PSMA4: variants seen among roughly 807,000 people sequenced by gnomAD.
PSMA4 encodes proteasome subunit alpha type-4.
In PSMA4, 8 loss-of-function variants were observed where a neutral mutation model predicts 37.2. That is an observed-to-expected ratio of 0.22 (90% CI 0.13 to 0.39). The LOEUF is 0.39. Ranked by LOEUF, PSMA4 falls within the 10% of genes least tolerant of loss-of-function variation. The probability of loss-of-function intolerance (pLI) is 1.00; values close to 1 mark genes in which losing one functional copy is unlikely to be tolerated. For missense variants in PSMA4, 169 were observed against 305.1 expected, an observed-to-expected ratio of 0.55 and a Z score of 3.32; for synonymous variants, 93 against 98.8, an observed-to-expected ratio of 0.94 and a Z score of 0.35.
chr15:78,546,915 G>A (rs1395013713), intron 8 of PSMA4, among the ~76,000 whole-genome samples: 4 of 151,996 alleles, frequency 2.6e-5, no homozygotes, highest in African/African-American at 4.8e-5. Context: ...ACAGGCTCGC[G>A]CCACCATGCC....
Position 78,544,180 on chromosome 15 carries a change from T to C in PSMA4, c.210-10T>C. On this transcript the variant is annotated splice_polypyrimidine_tract_variant and intron_variant, in intron 4 of 8. Transcript: ENST00000044462. ...CCCTGCTTACAGATCAATGTCTTTTTTTCTTCAAGGGACATGGCTTGCAGT... is the reference window on the plus strand; with the variant it reads ...CCCTGCTTACAGATCAATGTCTTTTCTTCTTCAAGGGACATGGCTTGCAGT... 1 of 1,609,342 alleles carries C rather than the reference T, an allele frequency of 6.2e-7. No individual in the cohort carries two copies. The highest frequency in any genetic ancestry group is 1.1e-5 in the South Asian group (1 of 90,648).
chr15:78,542,672 A>T (rs776853788), intron 4 of PSMA4, 27 bp downstream of exon 4: 103 of 1,568,568 alleles, frequency 6.6e-5, no homozygotes, highest in Non-Finnish European at 8.2e-5. Flanking sequence ...GAAAGAGTTT[A>T]AAAAAAATCT....
intron 7 of PSMA4, among the ~76,000 whole-genome samples, chr15:78,546,209 C>T (rs1451954767): frequency 1.3e-5 from 2 of 152,016 alleles, no homozygotes; most frequent in Non-Finnish European, 2.9e-5. Context: ...TTTGGGAGGC[C>T]GAGGCAGGCA....
At chr15:78,543,633 A>G (rs1301417328) in intron 4 of PSMA4, among the ~76,000 whole-genome samples, 1 of 139,262 alleles carries the variant, frequency 7.2e-6, no homozygotes, top group East Asian at 2.1e-4. Flanking sequence ...CGGTGACGCC[A>G]TCTTGGCTCA....
chr15:78,548,975 C>T lies in PSMA4; in HGVS notation c.*31C>T. 2 of 1,586,376 alleles carry T rather than the reference C, an allele frequency of 1.3e-6. No homozygotes were observed. Among genetic ancestry groups the T allele is most frequent in the Non-Finnish European group, 1.7e-6 (2 of 1,169,276 alleles). Reference sequence around the variant, plus strand: ...GAGATTTTATTACTCATTTGGGGCACCATTTCAGTGTAAAAGCAGTCCTAC... The same window carrying T: ...GAGATTTTATTACTCATTTGGGGCATCATTTCAGTGTAAAAGCAGTCCTAC... On this transcript the variant is annotated 3_prime_UTR_variant, in exon 9 of 9. Coordinates refer to ENST00000044462, the MANE Select transcript of PSMA4 (RefSeq NM_002789.6).
At chr15:78,542,774 A>T in intron 4 of PSMA4, 129 bp downstream of exon 4, 1 of 900,204 alleles carries the variant, frequency 1.1e-6, no homozygotes, top group South Asian at 1.8e-5. Flanking sequence ...TTTGCTTGAA[A>T]CCTCTTTGAG....
chr15:78,541,603 AC>A (rs2052454520), intron 1 of PSMA4: 1 of 358,958 alleles, frequency 2.8e-6, no homozygotes, highest in Admixed American at 4.7e-5. Context: ...TCTCTGATTT[AC>A]TTTCATTTTC....
chr15:78,540,791 T>C (rs1261024999), intron 1 of PSMA4: 2 of 152,246 alleles, frequency 1.3e-5, no homozygotes, highest in East Asian at 3.9e-4. Flanking sequence ...TGGGGGTCTG[T>C]GGGCAGGACC....
At chr15:78,541,697 A>G in intron 1 of PSMA4, 2 of 542,720 alleles carry the variant, frequency 3.7e-6, no homozygotes, top group East Asian at 3.4e-5. Flanking sequence ...TTTCCACATT[A>G]TAATCTATGA....
At chr15:78,546,460 A>T in intron 7 of PSMA4, 115 bp from the exon 8 acceptor site, 1 of 989,392 alleles carries the variant, frequency 1.0e-6, no homozygotes, top group East Asian at 3.0e-5. Flanking sequence ...AAAAAAAAAA[A>T]AAAATTGTTT....
intron 1 of PSMA4, 126 bp downstream of exon 1, chr15:78,540,665 C>T (rs905737802): frequency 1.3e-5 from 2 of 152,246 alleles, no homozygotes; most frequent in African/African-American, 4.8e-5. Flanking sequence ...CACGATGACT[C>T]TGCACCGCCT....
At chr15:78,545,085 C>A in intron 6 of PSMA4, 128 bp downstream of exon 6, 1 of 588,112 alleles carries the variant, frequency 1.7e-6, no homozygotes, top group South Asian at 2.6e-5. Context: ...TTTTAATTGG[C>A]AAATAAGAAT....
chr15:78,545,780 G>C lies in PSMA4; in HGVS notation c.507+16G>C. 6.2e-7 allele frequency: 1 copy of C among 1,612,674 alleles called. No homozygotes were observed. The highest frequency in any genetic ancestry group is 8.5e-7 in the Non-Finnish European group (1 of 1,179,064). Reference sequence around the variant, plus strand: ...TAATAGCGCTGTGAGTATTTTTGTTGTGCTATAAAATCTAGCAGAATGTCT... The same window carrying C: ...TAATAGCGCTGTGAGTATTTTTGTTCTGCTATAAAATCTAGCAGAATGTCT... On this transcript the variant is annotated intron_variant, in intron 7 of 8. Transcript: ENST00000044462.
intron 1 of PSMA4, 148 bp from the exon 2 acceptor site, chr15:78,541,757 G>C: frequency 1.5e-6 from 1 of 683,642 alleles, no homozygotes; most frequent in Non-Finnish European, 2.5e-6. Flanking sequence ...ACAGGAACTG[G>C]TTTTACACAT....
intron 8 of PSMA4, among the ~76,000 whole-genome samples, chr15:78,548,032 C>T (rs2052585302): frequency 6.6e-6 from 1 of 151,680 alleles, no homozygotes; most frequent in African/African-American, 2.4e-5. Flanking sequence ...GAGTTCAAGA[C>T]CAGGTTGGCC....
chr15:78,546,058 A>G (rs1033854897), intron 7 of PSMA4, among the ~76,000 whole-genome samples: 2 of 152,042 alleles, frequency 1.3e-5, no homozygotes, highest in African/African-American at 4.8e-5. Context: ...ACCCCTTGGG[A>G]GACTGAGGAC....
rs1333014713 is a variant in PSMA4, at chr15:78,549,816, A to G, written c.*872A>G. The G allele has an allele frequency of 6.6e-6, 1 of 152,280 alleles. No individual in the cohort carries two copies. The highest frequency in any genetic ancestry group is 2.4e-5 in the African/African-American group (1 of 41,474). 9.4% of individuals were successfully genotyped at this position (152,280 alleles called of 1,614,324 possible). ...TAGGAAGCTTTTGCAGCTTGTAAGC[A>G]TGCTGTATCGATTAACTCAAGCTCT... On this transcript the variant is annotated 3_prime_UTR_variant, in exon 9 of 9. Coordinates refer to ENST00000044462, the MANE Select transcript of PSMA4 (RefSeq NM_002789.6).
intron 6 of PSMA4, 113 bp from the exon 7 acceptor site, chr15:78,545,521 T>G: frequency 8.0e-7 from 1 of 1,242,578 alleles, no homozygotes; most frequent in Non-Finnish European, 1.1e-6. Flanking sequence ...CAAAACAGTT[T>G]ATGAATGCTT....
rs190321335 is a variant in PSMA4 at position 78,545,796 on chromosome 15, C to T, written c.507+32C>T. On this transcript the variant is annotated intron_variant, in intron 7 of 8. Transcript: ENST00000044462. The stretch of plus-strand genomic sequence containing the variant: ...ATTTTTGTTGTGCTATAAAATCTAG[C>T]AGAATGTCTAATAACTGCCATAATT... 1.3e-3 allele frequency: 2,098 copies of T among 1,608,610 alleles called. 1 individual carries two copies. The highest frequency in any genetic ancestry group is 1.6e-3 in the Non-Finnish European group (1,921 of 1,175,810).
Sources: allele counts gnomAD v4.1 joint callset (sites outside exome capture counted in the v4.1 genomes callset), GRCh38; gene constraint gnomAD v4.1.1; transcripts MANE v1.5; gene names NCBI Gene and HGNC (gene_info 2026-07-23, HGNC 2026-07-21).